FRMPD1: variants seen among roughly 807,000 people sequenced by gnomAD.
FRMPD1 encodes FERM and PDZ domain-containing protein 1.
In FRMPD1, 76 loss-of-function variants were observed where a neutral mutation model predicts 117.8. That is an observed-to-expected ratio of 0.65 (90% CI 0.54 to 0.78). The LOEUF is 0.78. Ranked by LOEUF, FRMPD1 falls within the 30% of genes least tolerant of loss-of-function variation. The pLI is 0.00. For missense variants in FRMPD1, 1,786 were observed against 1,964.5 expected (o/e 0.91, Z 1.72); for synonymous variants, 783 against 770.4 (o/e 1.02, Z -0.27).
chr9:37,604,341 A>T, the FRMPD1 span, among the ~76,000 whole-genome samples: 1 of 152,260 alleles, frequency 6.6e-6, no homozygotes, highest in East Asian at 1.9e-4. Flanking sequence ...AGTTAAGAAG[A>T]TCTAGTACCT....
intron 1 of FRMPD1, among the ~76,000 whole-genome samples, chr9:37,682,949 A>G (rs1014781243): frequency 1.3e-5 from 2 of 152,214 alleles, no homozygotes; most frequent in Non-Finnish European, 2.9e-5. Context: ...TAGAATATTC[A>G]CAAAATTGTG....
At chr9:37,693,606 CCAATGCT>C (rs953591514) in intron 2 of FRMPD1, among the ~76,000 whole-genome samples, 4 of 152,278 alleles carry the variant, frequency 2.6e-5, no homozygotes, top group Admixed American at 2.6e-4. Context: ...CCACTCTTAC[CCAATGCT>C]CAGAAAGCTT....
intron 1 of FRMPD1, among the ~76,000 whole-genome samples, chr9:37,658,497 A>G (rs1186159728): frequency 6.6e-6 from 1 of 152,192 alleles, no homozygotes; most frequent in Non-Finnish European, 1.5e-5. Context: ...AAACAGCAGA[A>G]CTGTGTCCTT....
intron 4 of FRMPD1, 83 bp downstream of exon 4, chr9:37,708,584 C>G: frequency 1.2e-6 from 1 of 831,464 alleles, no homozygotes; most frequent in South Asian, 1.4e-5. Context: ...CATAACTGAT[C>G]CCCTGATTTT....
the FRMPD1 span, among the ~76,000 whole-genome samples, chr9:37,604,509 T>G: frequency 6.6e-6 from 1 of 152,240 alleles, no homozygotes; most frequent in Non-Finnish European, 1.5e-5. Flanking sequence ...TCACAAGGTA[T>G]GCTTAGAAGC....
chr9:37,612,366 T>C, the FRMPD1 span, among the ~76,000 whole-genome samples: 2 of 152,102 alleles, frequency 1.3e-5, no homozygotes, highest in African/African-American at 4.8e-5. Context: ...TTTTTGTTTT[T>C]GAGACGGAGT....
At chr9:37,718,666 G>C (rs1442095013) in intron 5 of FRMPD1, among the ~76,000 whole-genome samples, 1 of 152,190 alleles carries the variant, frequency 6.6e-6, no homozygotes, top group Admixed American at 6.5e-5. Context: ...GGCAAGGACT[G>C]GACCAAAGTC....
chr9:37,605,710 A>ATTTAT, the FRMPD1 span, among the ~76,000 whole-genome samples: 1 of 151,044 alleles, frequency 6.6e-6, no homozygotes, highest in Non-Finnish European at 1.5e-5. Context: ...TTATTTATTT[A>ATTTAT]TTTATTTATT....
chr9:37,623,973 A>G, the FRMPD1 span, among the ~76,000 whole-genome samples: 1 of 152,090 alleles, frequency 6.6e-6, no homozygotes. Context: ...GATGTGGGAG[A>G]GGTGCATATG....
In FRMPD1 at chr9:37,740,788, C is replaced by T. The variant is rs772919393; in HGVS notation, c.2260C>T (p.Leu754=). The change falls in exon 15 of 16, where the codon CTG becomes TTG. Residue 754 remains leucine, a synonymous_variant. Transcript: ENST00000377765. This position sits in a 1 kb window ranked among gnomAD's most constrained non-coding sequence, Gnocchi z 4.2. The part of the protein sequence containing the change: ...EAQPSSMLEP[L]ALHPPLAFED... ...CCAGCCCAGTTCCATGCTGGAACCC[C>T]TGGCCCTGCACCCACCACTGGCCTT... 3.7e-6 allele frequency: 6 copies of T among 1,614,106 alleles called. No homozygotes were observed. In the South Asian group the frequency reaches 5.5e-5, roughly 15 times the overall value.
At chr9:37,743,424 C>CTGGG (rs1158097241) in intron 15 of FRMPD1, among the ~76,000 whole-genome samples, 1 of 150,658 alleles carries the variant, frequency 6.6e-6, no homozygotes, top group East Asian at 2.0e-4. Context: ...GCCTGAAGAC[C>CTGGG]TGGGTTCAGA....
Position 37,744,956 on chromosome 9 carries a change from G to C in FRMPD1, c.2924G>C (p.Gly975Ala), listed in dbSNP as rs150466967. ...AGCACTCCTCACTGTTCTAACCCAG[G>C]TTCATCTGGCCCAGATACTGCTCAG... ...SASTPHCSNP[G>A]SSGPDTAQAR... is the part of the protein sequence containing the mutation. The change falls in exon 16 of 16, where the codon GGT (glycine) becomes GCT (alanine). Residue 975 changes from glycine to alanine, a missense_variant. Gly to Ala is a moderately conservative substitution (Grantham distance 60). Transcript: ENST00000377765. 6 of 1,614,118 alleles carry C rather than the reference G, an allele frequency of 3.7e-6. No individual in the cohort carries two copies. The highest frequency in any genetic ancestry group is 3.3e-5 in the Admixed American group (2 of 60,026).
chr9:37,628,759 T>C, the FRMPD1 span, among the ~76,000 whole-genome samples: 249 of 152,312 alleles, frequency 1.6e-3, 1 homozygote, highest in African/African-American at 5.6e-3. Flanking sequence ...TCTTAGTGTG[T>C]GATCTTTCGC....
intron 1 of FRMPD1, among the ~76,000 whole-genome samples, chr9:37,671,578 G>A (rs1401402564): frequency 6.6e-6 from 1 of 152,166 alleles, no homozygotes; most frequent in African/African-American, 2.4e-5. Context: ...GTCAAATATA[G>A]TCTGAGAGAG....
At position 37,745,050 on chromosome 9, in the gene FRMPD1, A is replaced by G. The variant is rs1824627382; in HGVS notation, c.3018A>G (p.Ile1006Met). The change falls in exon 16 of 16, where the codon ATA (isoleucine) becomes ATG (methionine). Residue 1006 changes from isoleucine (I) to methionine (M), a missense_variant. Ile to Met is a conservative substitution (Grantham distance 10, BLOSUM62 1). Transcript: ENST00000377765. ...LDGIAPKEPT[I>M]EHGDSSFSLS... is the part of the protein sequence containing the mutation. ...GGATTGCCCCCAAAGAACCAACCATAGAGCATGGAGACAGCTCCTTCTCCC... is the reference window on the plus strand; with the variant it reads ...GGATTGCCCCCAAAGAACCAACCATGGAGCATGGAGACAGCTCCTTCTCCC... 5 of 1,614,030 alleles carry G rather than the reference A, an allele frequency of 3.1e-6. No homozygotes were observed. Among genetic ancestry groups the G allele is most frequent in the Non-Finnish European group, 4.2e-6 (5 of 1,180,022 alleles).
Position 37,736,388 on chromosome 9 carries a change from C to T in FRMPD1, c.1401+654C>T, listed in dbSNP as rs375777027. Among the ~76,000 whole-genome samples, 29 of 148,926 alleles carry T rather than the reference C, an allele frequency of 1.9e-4. No individual in the cohort carries two copies. In the East Asian group the frequency reaches 4.8e-3, roughly 25 times the overall value. On this transcript the variant is annotated intron_variant, in intron 13 of 15. Coordinates refer to ENST00000377765, the MANE Select transcript of FRMPD1 (RefSeq NM_014907.3). ...CATTAAAATGGGTAAATAGTGGGCC[C>T]GGTGTGGTGGCTCACGCTTGTAATC...
At chr9:37,649,485 C>T (rs1281498336), upstream of FRMPD1, among the ~76,000 whole-genome samples, 1 of 152,128 alleles carries the variant, frequency 6.6e-6, no homozygotes, top group Non-Finnish European at 1.5e-5. Context: ...GGGGCACTGA[C>T]AGAAAAGGGA....
Position 37,729,807 on chromosome 9 carries a change from G to A in FRMPD1, c.692G>A (p.Ser231Asn), listed in dbSNP as rs756658551. ...YFALALEEQY[S>N]ISRLHLLHEE... Reference sequence around the variant, plus strand: ...GCACTGGCCCTGGAAGAGCAGTACAGCATCTCCCGGCTGCACCTGCTGCAC... The same window carrying A: ...GCACTGGCCCTGGAAGAGCAGTACAACATCTCCCGGCTGCACCTGCTGCAC... Residue 231 changes from serine (S) to asparagine (N), a missense_variant, in exon 8 of 16, where the codon AGC (serine) becomes AAC (asparagine). Coordinates refer to ENST00000377765, the MANE Select transcript of FRMPD1 (RefSeq NM_014907.3). 3 of 1,614,010 alleles carry A rather than the reference G, an allele frequency of 1.9e-6. No individual in the cohort carries two copies. Among genetic ancestry groups the A allele is most frequent in the African/African-American group, 1.3e-5 (1 of 75,040 alleles).
intron 5 of FRMPD1, among the ~76,000 whole-genome samples, chr9:37,713,622 A>G (rs1822993484): frequency 6.6e-6 from 1 of 152,072 alleles, no homozygotes; most frequent in Non-Finnish European, 1.5e-5. Flanking sequence ...GAGAGACCAT[A>G]TATATAGAGA....
Sources: allele counts gnomAD v4.1 joint callset (sites outside exome capture counted in the v4.1 genomes callset), GRCh38; gene constraint gnomAD v4.1.1; non-coding constraint Gnocchi (gnomAD v3.1); transcripts MANE v1.5; gene names NCBI Gene and HGNC (gene_info 2026-07-23, HGNC 2026-07-21).